The following TMEM212 variants were observed in gnomAD, a reference collection of about 807,000 sequenced individuals.
TMEM212 encodes the protein transmembrane protein 212.
Under a neutral mutation model 20.5 loss-of-function variants are expected in TMEM212, and 23 were observed. The observed-to-expected ratio is 1.12, with a 90% confidence interval of 0.81 to 1.59. The LOEUF (loss-of-function observed/expected upper bound fraction) is 1.59, where lower values mean the gene tolerates loss of function less well. Among genes scored for constraint, TMEM212 ranks in the 40% most tolerant of loss-of-function variants. The pLI, the probability that TMEM212 is intolerant of heterozygous loss-of-function variation, is 0.00. For missense variants in TMEM212, 211 were observed against 215.0 expected (o/e 0.98, Z 0.12); for synonymous variants, 76 against 81.6 (o/e 0.93, Z 0.37).
At chr3:171,850,031 T>C (rs530066473) in intron 1 of TMEM212, among the ~76,000 whole-genome samples, 2 of 152,174 alleles carry the variant, frequency 1.3e-5, no homozygotes, top group African/African-American at 4.8e-5. Context: ...TCTCTCACAT[T>C]TTCTCTTCCC....
At position 171,853,804 on chromosome 3, in the gene TMEM212, T is replaced by G; in HGVS notation, c.497T>G (p.Val166Gly). The G allele has an allele frequency of 6.5e-7, 1 of 1,536,996 alleles. No homozygotes were observed. The highest frequency in any genetic ancestry group is 2.4e-5 in the East Asian group (1 of 40,906). The change falls in exon 3 of 5, where the codon GTG becomes GGG. Residue 166 changes from valine to glycine, a missense_variant. Physicochemically the swap from Val to Gly is moderately radical, Grantham distance 109. Coordinates refer to ENST00000334567, the MANE Select transcript of TMEM212 (RefSeq NM_001164436.2). ...SFTLLCTSLT[V>G]FIKLSARLIQ... ...ACCCTACTCTGTACATCCTTGACAGTGTTCATCAAACTTTCTGCAAGACTT... is the reference window on the plus strand; with the variant it reads ...ACCCTACTCTGTACATCCTTGACAGGGTTCATCAAACTTTCTGCAAGACTT...
chr3:171,845,835 C>T lies in TMEM212; in HGVS notation c.159+2293C>T, dbSNP rs564621674. ...GAATTTTACAGATAAAAAGAGCCCACGTGTAAAACTGTCCAACCCTAAGAT... is the reference window on the plus strand; with the variant it reads ...GAATTTTACAGATAAAAAGAGCCCATGTGTAAAACTGTCCAACCCTAAGAT... On this transcript the variant is annotated intron_variant, in intron 1 of 4. Transcript: ENST00000334567. Among the ~76,000 whole-genome samples the T allele has an allele frequency of 1.1e-4, 16 of 152,182 alleles. No homozygotes were observed. In the South Asian group the frequency reaches 2.1e-3, roughly 20 times the overall value.
chr3:171,846,376 T>G (rs767807326), intron 1 of TMEM212, among the ~76,000 whole-genome samples: 108 of 152,366 alleles, frequency 7.1e-4, no homozygotes, highest in Non-Finnish European at 1.2e-3. Flanking sequence ...CTCATAACAC[T>G]TATTAGCATA....
intron 1 of TMEM212, among the ~76,000 whole-genome samples, chr3:171,848,389 A>C (rs1196427900): frequency 6.6e-6 from 1 of 152,160 alleles, no homozygotes; most frequent in African/African-American, 2.4e-5. Context: ...CCTACAAGGC[A>C]TACCCCTATG....
Position 171,848,565 on chromosome 3 carries a change from A to AATAGAATAGG in TMEM212, c.160-3408_160-3407insGATAGAATAG, listed in dbSNP as rs1328388147. On this transcript the variant is annotated intron_variant, in intron 1 of 4. Transcript: ENST00000334567. ...AGCAGTATTTACAATAAATGCATAG[A>AATAGAATAGG]ATAGAATAGAATAGGATAGAATAGA... is the stretch of plus-strand genomic sequence containing the variant. Among the ~76,000 whole-genome samples the AATAGAATAGG allele has an allele frequency of 2.9e-3, 414 of 143,958 alleles. 4 individuals carry two copies. Among genetic ancestry groups the AATAGAATAGG allele is most frequent in the African/African-American group, 0.011 (388 of 35,976 alleles). 94.4% of individuals were successfully genotyped at this position (143,958 alleles called of 152,430 possible).
chr3:171,848,040 C>A (rs192419966), intron 1 of TMEM212, among the ~76,000 whole-genome samples: 1 of 152,146 alleles, frequency 6.6e-6, no homozygotes, highest in Non-Finnish European at 1.5e-5. Context: ...TGTCTAAAAC[C>A]AAATTAATCA....
chr3:171,852,022 A>C lies in TMEM212; in HGVS notation c.200A>C (p.Glu67Ala), dbSNP rs1724988322. Residue 67 changes from glutamate to alanine, a missense_variant, in exon 2 of 5, where the codon GAG (glutamate) becomes GCG (alanine). Coordinates refer to ENST00000334567, the MANE Select transcript of TMEM212 (RefSeq NM_001164436.2). ...TGVLLLLAYR[E>A]WTQRYLGEAT... Reference sequence around the variant, plus strand: ...GTGCTTCTACTGTTGGCTTACAGAGAGTGGACCCAGAGGTACCTGGTAAAT... The same window carrying C: ...GTGCTTCTACTGTTGGCTTACAGAGCGTGGACCCAGAGGTACCTGGTAAAT... The C allele has an allele frequency of 6.5e-7, 1 of 1,536,908 alleles. No homozygotes were observed. Among genetic ancestry groups the C allele is most frequent in the Non-Finnish European group, 8.7e-7 (1 of 1,146,724 alleles).
rs573566777 is a variant in TMEM212, at chr3:171,843,607, G to A, written c.159+65G>A. 5.2e-6 allele frequency: 7 copies of A among 1,351,200 alleles called. No homozygotes were observed. The South Asian group carries it at 1.1e-4, about 21-fold the overall frequency. The allele number at this position is 1,351,200 out of a possible 1,614,324, so 83.7% of individuals were successfully genotyped here. On this transcript the variant is annotated intron_variant, in intron 1 of 4. Coordinates refer to ENST00000334567, the MANE Select transcript of TMEM212 (RefSeq NM_001164436.2). ...GAAGGTGGGAGGGAAAGGGAAAACAGAAGAACATATCCTTTTAAATTGTTC... is the reference window on the plus strand; with the variant it reads ...GAAGGTGGGAGGGAAAGGGAAAACAAAAGAACATATCCTTTTAAATTGTTC...
chr3:171,854,875 G>T (rs1235956191), intron 3 of TMEM212, among the ~76,000 whole-genome samples: 1 of 152,128 alleles, frequency 6.6e-6, no homozygotes, highest in East Asian at 1.9e-4. Context: ...TGGCTTTGTT[G>T]TTCAAGAAAA....
intron 1 of TMEM212, among the ~76,000 whole-genome samples, chr3:171,847,163 G>C (rs1724851799): frequency 6.6e-6 from 1 of 152,228 alleles, no homozygotes; most frequent in Admixed American, 6.5e-5. Context: ...CAAGTATTCA[G>C]TGAGGAGATC....
intron 1 of TMEM212, among the ~76,000 whole-genome samples, chr3:171,850,207 A>G (rs1281157534): frequency 6.6e-6 from 1 of 152,180 alleles, no homozygotes; most frequent in Non-Finnish European, 1.5e-5. Context: ...GGGAGCACCA[A>G]TAAAGATGGG....
intron 1 of TMEM212, among the ~76,000 whole-genome samples, chr3:171,847,686 T>C (rs1353400318): frequency 6.6e-6 from 1 of 151,836 alleles, no homozygotes; most frequent in African/African-American, 2.4e-5. Flanking sequence ...GGATGGAAAA[T>C]TACTAACAGG....
intron 1 of TMEM212, among the ~76,000 whole-genome samples, chr3:171,851,114 T>C (rs1724968131): frequency 6.6e-6 from 1 of 152,180 alleles, no homozygotes; most frequent in Admixed American, 6.5e-5. Context: ...ATATTCTATA[T>C]CTTATTTTAG....
Position 171,852,026 on chromosome 3 carries a change from G to A in TMEM212, c.204G>A (p.Trp68Ter), listed in dbSNP as rs775743088. 41 of 1,536,994 alleles carry A rather than the reference G, an allele frequency of 2.7e-5. No individual in the cohort carries two copies. In the South Asian group the frequency reaches 4.4e-4, roughly 17 times the overall value. The change falls in exon 2 of 5, where the codon TGG (tryptophan) becomes TGA (stop). Residue 68 changes from tryptophan (W) to a stop codon, truncating the protein, a stop_gained. Coordinates refer to ENST00000334567, the MANE Select transcript of TMEM212 (RefSeq NM_001164436.2). LOFTEE classifies it high-confidence loss of function. ...GVLLLLAYRE[W>*]TQRYLGEATF... ...TTCTACTGTTGGCTTACAGAGAGTG[G>A]ACCCAGAGGTACCTGGTAAATATAC...
At chr3:171,853,939 G>T in intron 3 of TMEM212, 89 bp downstream of exon 3, 1 of 1,007,366 alleles carries the variant, frequency 9.9e-7, no homozygotes, top group Non-Finnish European at 1.4e-6. Context: ...ATCTTTCTCT[G>T]TTATTTACCA....
At chr3:171,848,050 A>G (rs1234097376) in intron 1 of TMEM212, among the ~76,000 whole-genome samples, 1 of 152,160 alleles carries the variant, frequency 6.6e-6, no homozygotes. Context: ...CAAATTAATC[A>G]TCTTGTCACC....
rs139350797 is a variant in TMEM212, at chr3:171,847,706, G to C, written c.159+4164G>C. Among the ~76,000 whole-genome samples the C allele has an allele frequency of 6.6e-5, 10 of 152,238 alleles. No individual in the cohort carries two copies. The East Asian group carries it at 1.9e-3, about 29-fold the overall frequency. ...GAAAATTACTAACAGGAAATATCAG[G>C]GGCAAGGGGGATTCTGGCTATACAG... On this transcript the variant is annotated intron_variant, in intron 1 of 4. Transcript: ENST00000334567.
At chr3:171,853,506 T>C in intron 2 of TMEM212, 21 bp from the exon 3 acceptor site, 1 of 1,523,482 alleles carries the variant, frequency 6.6e-7, no homozygotes, top group South Asian at 1.2e-5. Context: ...AAGTAACAAT[T>C]TATTTTTGCT....
intron 4 of TMEM212, 55 bp downstream of exon 4, chr3:171,856,762 A>G (rs774303838): frequency 3.2e-5 from 18 of 560,264 alleles, no homozygotes; most frequent in Non-Finnish European, 3.5e-5. Context: ...AAGCACACAG[A>G]TTAATAGAAT....
Sources: allele counts gnomAD v4.1 joint callset (sites outside exome capture counted in the v4.1 genomes callset), GRCh38; gene constraint gnomAD v4.1.1; transcripts MANE v1.5; gene names NCBI Gene and HGNC (gene_info 2026-07-23, HGNC 2026-07-21).